PCDHGB2: variants seen among roughly 807,000 people sequenced by gnomAD.
The protein encoded by PCDHGB2 is protocadherin gamma-B2.
In PCDHGB2, 55 loss-of-function variants were observed where a neutral mutation model predicts 59.3. That is an observed-to-expected ratio of 0.93 (90% CI 0.75 to 1.16). The LOEUF (loss-of-function observed/expected upper bound fraction) is 1.16. PCDHGB2 is among the 50% of genes most tolerant of loss of function. The pLI is 0.00. For synonymous variants in PCDHGB2, 516 were observed against 512.0 expected (o/e 1.01, Z -0.11); for missense variants, 1,228 against 1,198.5 (o/e 1.02, Z -0.36).
At chr5:141,389,829 C>T in intron 1 of PCDHGB2, 3 of 1,613,980 alleles carry the variant, frequency 1.9e-6, no homozygotes, top group Non-Finnish European at 2.5e-6. Context: ...TGACGGTGGA[C>T]AGCCACCACT....
chr5:141,449,073 T>C (rs889880816), intron 1 of PCDHGB2, among the ~76,000 whole-genome samples: 1 of 152,246 alleles, frequency 6.6e-6, no homozygotes, highest in African/African-American at 2.4e-5. Flanking sequence ...TGAATAGCCC[T>C]GTACCTACAT....
At chr5:141,370,659 C>T (rs1394525404) in intron 1 of PCDHGB2, 1 of 1,613,780 alleles carries the variant, frequency 6.2e-7, no homozygotes, top group South Asian at 1.1e-5. Context: ...TGTGAGCGAC[C>T]GTATAGACCG....
At chr5:141,473,330 C>T (rs1431360397) in intron 1 of PCDHGB2, among the ~76,000 whole-genome samples, 2 of 152,208 alleles carry the variant, frequency 1.3e-5, no homozygotes, top group East Asian at 3.8e-4. Flanking sequence ...TAAGTGCCTG[C>T]TGTGCTAGAC....
At chr5:141,497,768 G>A (rs920949258) in intron 2 of PCDHGB2, among the ~76,000 whole-genome samples, 8 of 152,070 alleles carry the variant, frequency 5.3e-5, no homozygotes, top group East Asian at 1.9e-4. Flanking sequence ...CAAACTCCCC[G>A]ACCTCAACTG....
At chr5:141,465,826 T>A (rs1402342209) in intron 1 of PCDHGB2, among the ~76,000 whole-genome samples, 1 of 151,994 alleles carries the variant, frequency 6.6e-6, no homozygotes, top group Non-Finnish European at 1.5e-5. Context: ...CACATTTGTT[T>A]AAAATTTCAA....
rs62378448 is a variant in PCDHGB2, at chr5:141,400,064, G to C, written c.2421+37508G>C. On this transcript the variant is annotated intron_variant, in intron 1 of 3. Transcript: ENST00000522605. ...CTGCTGGTTGCTGTGCGTGATGGTG[G>C]ACAGCCGCCACTCTCCGCCACCGCC... The C allele has an allele frequency of 7.6e-4, 1,225 of 1,613,770 alleles. No homozygotes were observed. The highest frequency in any genetic ancestry group is 9.7e-4 in the Non-Finnish European group (1,150 of 1,179,858).
At chr5:141,390,204 G>A in intron 1 of PCDHGB2, 1 of 1,614,036 alleles carries the variant, frequency 6.2e-7, no homozygotes, top group Non-Finnish European at 8.5e-7. Flanking sequence ...GTTGAGTTCA[G>A]GACAAGACAT....
chr5:141,472,009 G>A (rs917861040), intron 1 of PCDHGB2, among the ~76,000 whole-genome samples: 11 of 152,074 alleles, frequency 7.2e-5, no homozygotes, highest in African/African-American at 2.7e-4. Flanking sequence ...TCGTATAGGG[G>A]CACTATATTG....
intron 1 of PCDHGB2, chr5:141,391,580 C>A (rs1392857666): frequency 3.3e-5 from 5 of 152,116 alleles, no homozygotes; most frequent in South Asian, 2.1e-4. Flanking sequence ...AATATATTCA[C>A]AGGAAAATAT....
At chr5:141,374,589 G>A (rs1385892757) in intron 1 of PCDHGB2, 1 of 1,613,676 alleles carries the variant, frequency 6.2e-7, no homozygotes, top group Non-Finnish European at 8.5e-7. Context: ...TCCCTTCAGG[G>A]ATTTAAGCTC....
At chr5:141,395,351 G>A (rs2093220052) in intron 1 of PCDHGB2, 1 of 1,366,364 alleles carries the variant, frequency 7.3e-7, no homozygotes, top group East Asian at 2.5e-5. Context: ...GTGTATCACA[G>A]AGTTTTGGGT....
chr5:141,373,898 A>T (rs1039826496), intron 1 of PCDHGB2: 1 of 541,044 alleles, frequency 1.8e-6, no homozygotes, highest in Non-Finnish European at 3.1e-6. Context: ...CTCAAGTTAC[A>T]TCCTCCAACA....
chr5:141,449,693 G>A (rs2098652097), intron 1 of PCDHGB2, among the ~76,000 whole-genome samples: 1 of 150,164 alleles, frequency 6.7e-6, no homozygotes, highest in South Asian at 2.1e-4. Flanking sequence ...TTGTGTGTAT[G>A]TACACAAACA....
chr5:141,411,366 T>C (rs559840924), intron 1 of PCDHGB2: 1 of 152,208 alleles, frequency 6.6e-6, no homozygotes, highest in South Asian at 2.1e-4. Flanking sequence ...AGCCCAAGAA[T>C]TGAGACCAGC....
At chr5:141,384,368 C>T (rs748304499) in intron 1 of PCDHGB2, 7 of 1,613,908 alleles carry the variant, frequency 4.3e-6, no homozygotes, top group East Asian at 2.2e-5. Flanking sequence ...ATCACTTATT[C>T]CTTGGCCGAA....
chr5:141,497,492 C>G (rs954582026), intron 2 of PCDHGB2, among the ~76,000 whole-genome samples: 1 of 151,628 alleles, frequency 6.6e-6, no homozygotes, highest in Non-Finnish European at 1.5e-5. Flanking sequence ...ACCTCTCTCT[C>G]TCTCCTCTCT....
chr5:141,492,042 A>T, intron 1 of PCDHGB2: 1 of 519,520 alleles, frequency 1.9e-6, no homozygotes, highest in Non-Finnish European at 3.4e-6. Context: ...GCAGTCACAG[A>T]TCCACCCCTG....
intron 1 of PCDHGB2, among the ~76,000 whole-genome samples, chr5:141,488,554 T>C (rs1313975033): frequency 6.6e-6 from 1 of 152,064 alleles, no homozygotes; most frequent in African/African-American, 2.4e-5. Context: ...CAGCTGACAT[T>C]GAGATTTCCG....
intron 1 of PCDHGB2, chr5:141,414,969 G>A (rs764972439): frequency 7.4e-6 from 12 of 1,613,954 alleles, no homozygotes; most frequent in South Asian, 1.1e-5. Context: ...TGGTGGCGGT[G>A]GACAGAGACT....
Sources: gnomAD v4.1 joint callset for allele counts (sites outside exome capture counted in the v4.1 genomes callset) on GRCh38, gnomAD v4.1.1 for gene constraint, MANE v1.5 for transcripts, NCBI Gene and HGNC (gene_info 2026-07-23, HGNC 2026-07-21) for gene names.